The following TBC1D9 variants were observed in gnomAD, a reference collection of about 807,000 sequenced individuals.
TBC1D9 encodes the protein TBC1 domain family member 9A.
TBC1D9 carries 63 observed loss-of-function variants against 132.0 expected under a neutral mutation model. The ratio of observed to expected loss-of-function variants is 0.48; its 90% CI spans 0.39 to 0.59. The LOEUF is 0.59. Among genes scored for constraint, TBC1D9 ranks in the 20% least tolerant of loss-of-function variants. The probability of loss-of-function intolerance (pLI) is 0.00; values close to 1 mark genes in which losing one functional copy is unlikely to be tolerated. For missense variants in TBC1D9, 1,261 were observed against 1,592.7 expected, an observed-to-expected ratio of 0.79 and a Z score of 3.54; for synonymous variants, 610 against 609.9, an observed-to-expected ratio of 1.00 and a Z score of 0.00.
intron 13 of TBC1D9, chr4:140,644,392 C>T (rs913435533): frequency 1.8e-5 from 5 of 284,340 alleles, no homozygotes; most frequent in South Asian, 1.7e-4. Context: ...GACACGTCCT[C>T]CAGCGGCTGG....
intron 1 of TBC1D9, among the ~76,000 whole-genome samples, chr4:140,754,851 C>T (rs1012124687): frequency 2.6e-5 from 4 of 151,942 alleles, no homozygotes; most frequent in Admixed American, 2.0e-4. Context: ...CCACATGACA[C>T]CTGAATTTTA....
intron 1 of TBC1D9, among the ~76,000 whole-genome samples, chr4:140,738,368 C>G (rs1031882103): frequency 1.3e-5 from 2 of 152,164 alleles, no homozygotes; most frequent in Non-Finnish European, 2.9e-5. Flanking sequence ...CCCCCCCTTT[C>G]TTTTCACATG....
Position 140,692,562 on chromosome 4 carries a change from A to C in TBC1D9, c.242-6100T>G, listed in dbSNP as rs185431183. Among the ~76,000 whole-genome samples the C allele has an allele frequency of 6.4e-4, 97 of 152,322 alleles. 1 individual carries two copies. Among genetic ancestry groups the C allele is most frequent in the African/African-American group, 2.1e-3 (87 of 41,580 alleles). ...GAGAGGGCAAAAGACAAAACCCAAA[A>C]ATAACATGGTGATTTGAAACATTTT... is the stretch of plus-strand genomic sequence containing the variant. On this transcript the variant is annotated intron_variant, in intron 2 of 20. Coordinates refer to ENST00000442267, the MANE Select transcript of TBC1D9 (RefSeq NM_015130.3).
chr4:140,696,078 C>T (rs1578844682), intron 2 of TBC1D9, among the ~76,000 whole-genome samples: 1 of 152,164 alleles, frequency 6.6e-6, no homozygotes, highest in African/African-American at 2.4e-5. Flanking sequence ...AGTTTTTTGG[C>T]TCCCTTTCCC....
intron 11 of TBC1D9, among the ~76,000 whole-genome samples, chr4:140,659,260 C>G (rs904525173): frequency 2.6e-5 from 4 of 152,294 alleles, no homozygotes; most frequent in African/African-American, 9.6e-5. Flanking sequence ...TTCCCATCCT[C>G]TTTATTAATT....
chr4:140,643,125 A>G, intron 13 of TBC1D9: 1 of 1,419,214 alleles, frequency 7.0e-7, no homozygotes, highest in Non-Finnish European at 9.7e-7. Context: ...AGCGGGTCCC[A>G]CCACGGGCCC....
intron 13 of TBC1D9, among the ~76,000 whole-genome samples, chr4:140,640,447 T>TGGGG (rs55770281): frequency 9.7e-4 from 105 of 107,796 alleles, no homozygotes; most frequent in South Asian, 2.0e-3. Flanking sequence ...GGTGGTGGGG[T>TGGGG]GGGGGGGGGA....
intron 13 of TBC1D9, chr4:140,642,711 T>C (rs919818282): frequency 1.8e-5 from 12 of 660,788 alleles, no homozygotes; most frequent in African/African-American, 1.6e-4. Context: ...TGTTCCTCCT[T>C]GGGCCCTTTG....
At chr4:140,714,918 G>A (rs1379705073) in intron 1 of TBC1D9, among the ~76,000 whole-genome samples, 1 of 152,088 alleles carries the variant, frequency 6.6e-6, no homozygotes, top group Admixed American at 6.6e-5. Flanking sequence ...TTTGAGCCCA[G>A]GAGACCAGCT....
chr4:140,674,675 GAA>G (rs1737594276), intron 6 of TBC1D9, among the ~76,000 whole-genome samples: 1 of 142,726 alleles, frequency 7.0e-6, no homozygotes, highest in African/African-American at 2.6e-5. Flanking sequence ...CATTGTAGAA[GAA>G]TATATATATA....
chr4:140,642,431 G>A (rs1737018016), intron 13 of TBC1D9: 2 of 879,092 alleles, frequency 2.3e-6, no homozygotes. Context: ...TCCTTGCCCA[G>A]CAGGCTGTCA....
At chr4:140,644,965 AG>A in intron 13 of TBC1D9, 1 of 459,256 alleles carries the variant, frequency 2.2e-6, no homozygotes, top group Non-Finnish European at 4.4e-6. Context: ...CCCAAGCCCC[AG>A]GGGTGTCCGG....
chr4:140,740,225 G>A (rs1738738379), intron 1 of TBC1D9, among the ~76,000 whole-genome samples: 1 of 152,214 alleles, frequency 6.6e-6, no homozygotes. Flanking sequence ...CTAACACTAT[G>A]TATTAGCCAA....
At chr4:140,649,292 C>G (rs1737150271) in intron 13 of TBC1D9, among the ~76,000 whole-genome samples, 1 of 152,180 alleles carries the variant, frequency 6.6e-6, no homozygotes, top group Admixed American at 6.5e-5. Context: ...AAGTCTATGG[C>G]TTATTTCTAT....
chr4:140,748,659 T>C (rs939621637), intron 1 of TBC1D9, among the ~76,000 whole-genome samples: 2 of 152,202 alleles, frequency 1.3e-5, no homozygotes, highest in Non-Finnish European at 2.9e-5. Context: ...AGAAACGATG[T>C]CTCAACCATG....
intron 1 of TBC1D9, among the ~76,000 whole-genome samples, chr4:140,716,348 G>A (rs548543866): frequency 6.6e-6 from 1 of 152,022 alleles, no homozygotes; most frequent in South Asian, 2.1e-4. Flanking sequence ...AAAATCAGCT[G>A]GGTGTAGTGG....
intron 13 of TBC1D9, among the ~76,000 whole-genome samples, chr4:140,648,920 C>T (rs1289586407): frequency 6.6e-6 from 1 of 152,162 alleles, no homozygotes; most frequent in Non-Finnish European, 1.5e-5. Context: ...CTCCTCCCAC[C>T]CCACCATCAT....
At chr4:140,667,575 T>C (rs1363878732) in intron 9 of TBC1D9, among the ~76,000 whole-genome samples, 1 of 152,116 alleles carries the variant, frequency 6.6e-6, no homozygotes, top group Non-Finnish European at 1.5e-5. Context: ...AAATTTAGGT[T>C]TCTAAATGAG....
intron 17 of TBC1D9, among the ~76,000 whole-genome samples, chr4:140,627,738 C>T (rs1050862742): frequency 6.6e-6 from 1 of 152,152 alleles, no homozygotes; most frequent in Non-Finnish European, 1.5e-5. Context: ...AACCCCACAC[C>T]AAAGTGTTCC....
Sources: gnomAD v4.1 joint callset for allele counts (sites outside exome capture counted in the v4.1 genomes callset) on GRCh38, gnomAD v4.1.1 for gene constraint, MANE v1.5 for transcripts, NCBI Gene and HGNC (gene_info 2026-07-23, HGNC 2026-07-21) for gene names.